KCNQ3: variants seen among roughly 807,000 people sequenced by gnomAD.
The protein encoded by KCNQ3 is potassium voltage-gated channel subfamily Q member 3.
A neutral mutation model predicts 92.5 loss-of-function variants in KCNQ3; 30 were observed. The ratio of observed to expected loss-of-function variants is 0.32; its 90% confidence interval spans 0.24 to 0.44. KCNQ3 has a LOEUF of 0.44. Among genes scored for constraint, KCNQ3 ranks in the 20% least tolerant of loss-of-function variants. The pLI is 1.00. For missense variants in KCNQ3, 913 were observed against 1,140.3 expected, an observed-to-expected ratio of 0.80 and a Z score of 2.87; for synonymous variants, 450 against 468.8, an observed-to-expected ratio of 0.96 and a Z score of 0.52.
At chr8:132,458,189 C>G (rs930517562) in intron 1 of KCNQ3, among the ~76,000 whole-genome samples, 7 of 152,192 alleles carry the variant, frequency 4.6e-5, no homozygotes, top group Non-Finnish European at 8.8e-5. Flanking sequence ...CATGGTGAGT[C>G]AGGAGTAGGG....
chr8:132,123,470 G>C lies in KCNQ3; in HGVS notation c.*5792C>G, dbSNP rs1824559037. ...GCATGGAAACATCAATCTTATTCCA[G>C]AGAAGGGAAGAAGTCCCCAAAGGTA... On this transcript the variant is annotated 3_prime_UTR_variant, in exon 15 of 15. Coordinates refer to ENST00000388996, the MANE Select transcript of KCNQ3 (RefSeq NM_004519.4). 1 of 152,238 alleles carries C rather than the reference G, an allele frequency of 6.6e-6. No homozygotes were observed. 9.4% of individuals were successfully genotyped at this position (152,238 alleles called of 1,614,324 possible).
intron 1 of KCNQ3, among the ~76,000 whole-genome samples, chr8:132,267,350 G>A (rs1816018697): frequency 6.6e-6 from 1 of 152,148 alleles, no homozygotes; most frequent in African/African-American, 2.4e-5. Context: ...GTGACTGAAA[G>A]GTATTGCCCA....
chr8:132,479,161 G>C (rs1472204936), intron 1 of KCNQ3, among the ~76,000 whole-genome samples: 1 of 152,138 alleles, frequency 6.6e-6, no homozygotes, highest in East Asian at 1.9e-4. Flanking sequence ...TGAATGAGGA[G>C]CACCCCCACC....
intron 1 of KCNQ3, among the ~76,000 whole-genome samples, chr8:132,302,980 G>A (rs1817269035): frequency 6.6e-6 from 1 of 152,118 alleles, no homozygotes; most frequent in African/African-American, 2.4e-5. Flanking sequence ...GAGCATGCTG[G>A]GAAATGCATG....
At chr8:132,256,185 G>A (rs1183347999) in intron 1 of KCNQ3, among the ~76,000 whole-genome samples, 1 of 151,866 alleles carries the variant, frequency 6.6e-6, no homozygotes, top group Non-Finnish European at 1.5e-5. Flanking sequence ...GAATCTATAT[G>A]TAAAAAATAA....
intron 1 of KCNQ3, among the ~76,000 whole-genome samples, chr8:132,193,315 AGCCCAGGTTGGGGAG>A (rs1471811212): frequency 2.0e-5 from 3 of 152,160 alleles, no homozygotes; most frequent in African/African-American, 7.2e-5. Flanking sequence ...CTTCCATCCA[AGCCCAGGTTGGGGAG>A]GACAAAAGGG....
chr8:132,224,127 G>T (rs1225286008), intron 1 of KCNQ3, among the ~76,000 whole-genome samples: 5 of 125,824 alleles, frequency 4.0e-5, no homozygotes, highest in Admixed American at 3.3e-4. Context: ...GAGAGACAGG[G>T]TGTTGCTATG....
chr8:132,189,766 C>T (rs1036654816), intron 1 of KCNQ3, among the ~76,000 whole-genome samples: 8 of 150,920 alleles, frequency 5.3e-5, no homozygotes, highest in East Asian at 2.0e-4. Flanking sequence ...GCGGAGGTTG[C>T]GGTGAGCCGA....
At position 132,302,616 on chromosome 8, in the gene KCNQ3, T is replaced by C. The variant is rs114698163; in HGVS notation, c.387-116435A>G. On this transcript the variant is annotated intron_variant, in intron 1 of 14. Coordinates refer to ENST00000388996, the MANE Select transcript of KCNQ3 (RefSeq NM_004519.4). ...AGACATGTGGATAAGGTCATTTCTT[T>C]TGAGTTCCTTCTCCTGAAAGGGTTG... Among the ~76,000 whole-genome samples, 786 of 152,300 alleles carry C rather than the reference T, an allele frequency of 5.2e-3. 8 individuals carry two copies. Among genetic ancestry groups the C allele is most frequent in the African/African-American group, 0.018 (736 of 41,562 alleles).
chr8:132,325,985 A>G (rs1161956243), intron 1 of KCNQ3, among the ~76,000 whole-genome samples: 2 of 152,206 alleles, frequency 1.3e-5, no homozygotes, highest in Non-Finnish European at 2.9e-5. Context: ...TAAAAGGGAC[A>G]ATATTTGTTG....
intron 1 of KCNQ3, among the ~76,000 whole-genome samples, chr8:132,382,255 G>A (rs1451951747): frequency 2.6e-5 from 4 of 152,210 alleles, no homozygotes. Context: ...AAAGTATTTG[G>A]GTCCCGGAGG....
intron 1 of KCNQ3, among the ~76,000 whole-genome samples, chr8:132,194,174 T>C (rs1827241458): frequency 6.6e-6 from 1 of 152,206 alleles, no homozygotes; most frequent in South Asian, 2.1e-4. Context: ...AGAAACATTT[T>C]TCCTAGCTAG....
At chr8:132,429,191 T>C (rs1821183857) in intron 1 of KCNQ3, among the ~76,000 whole-genome samples, 1 of 152,210 alleles carries the variant, frequency 6.6e-6, no homozygotes, top group Admixed American at 6.5e-5. Flanking sequence ...CAACCACTAA[T>C]GAAGAAGTGG....
In KCNQ3 at chr8:132,225,175, G is replaced by C. The variant is rs889375797; in HGVS notation, c.387-38994C>G. On this transcript the variant is annotated intron_variant, in intron 1 of 14. Coordinates refer to ENST00000388996, the MANE Select transcript of KCNQ3 (RefSeq NM_004519.4). ...GCAGAATAACAGTAAAGAATATTGT[G>C]CCCAAATGAAAACGGCTTTTAAAAA... Among the ~76,000 whole-genome samples the C allele has an allele frequency of 2.0e-5, 3 of 152,212 alleles. No individual in the cohort carries two copies. The South Asian group carries it at 6.2e-4, about 31-fold the overall frequency.
At chr8:132,475,769 A>G (rs1822395464) in intron 1 of KCNQ3, among the ~76,000 whole-genome samples, 1 of 152,228 alleles carries the variant, frequency 6.6e-6, no homozygotes, top group Admixed American at 6.5e-5. Context: ...AGAAAAACCC[A>G]TTTTCTGCGG....
chr8:132,339,269 T>C (rs1379993236), intron 1 of KCNQ3, among the ~76,000 whole-genome samples: 2 of 152,208 alleles, frequency 1.3e-5, no homozygotes, highest in Non-Finnish European at 2.9e-5. Flanking sequence ...CTATGTTGTA[T>C]ATCATTTTTA....
At chr8:132,468,791 T>C (rs1388879378) in intron 1 of KCNQ3, among the ~76,000 whole-genome samples, 6 of 152,136 alleles carry the variant, frequency 3.9e-5, no homozygotes, top group Non-Finnish European at 7.4e-5. Flanking sequence ...GAATTCAGTA[T>C]AGAGAGAAGC....
At chr8:132,173,717 C>A (rs1826457179) in intron 6 of KCNQ3, among the ~76,000 whole-genome samples, 1 of 152,148 alleles carries the variant, frequency 6.6e-6, no homozygotes, top group African/African-American at 2.4e-5. Context: ...TATTACGTAC[C>A]TGGACACTGG....
intron 1 of KCNQ3, among the ~76,000 whole-genome samples, chr8:132,354,433 GGAATC>G (rs1265637311): frequency 4.6e-5 from 7 of 152,270 alleles, no homozygotes; most frequent in African/African-American, 1.7e-4. Flanking sequence ...TGGTAAGAAA[GGAATC>G]AAAACAGGGG....
Sources: gnomAD v4.1 joint callset for allele counts (sites outside exome capture counted in the v4.1 genomes callset) on GRCh38, gnomAD v4.1.1 for gene constraint, MANE v1.5 for transcripts, NCBI Gene and HGNC (gene_info 2026-07-23, HGNC 2026-07-21) for gene names.